Variants in NPAS3 observed in about 807,000 individuals in gnomAD.
The protein encoded by NPAS3 is neuronal PAS domain-containing protein 3.
In NPAS3, 14 loss-of-function variants were observed where a neutral mutation model predicts 73.1. The observed-to-expected ratio is 0.19, with a 90% CI of 0.13 to 0.30. The LOEUF is 0.30. NPAS3 is among the 10% of genes least tolerant of loss of function. NPAS3 has a pLI of 1.00. For missense variants in NPAS3, 1,096 were observed against 1,250.0 expected (o/e 0.88, Z 1.86); for synonymous variants, 620 against 541.5 (o/e 1.14, Z -2.01).
intron 2 of NPAS3, among the ~76,000 whole-genome samples, chr14:33,163,504 G>C (rs1188303566): frequency 2.6e-5 from 4 of 152,064 alleles, no homozygotes; most frequent in Non-Finnish European, 5.9e-5. Context: ...TGCTGGACAA[G>C]TTAAATCTTG....
chr14:33,515,329 C>G (rs1043242228), intron 4 of NPAS3, among the ~76,000 whole-genome samples: 1 of 152,004 alleles, frequency 6.6e-6, no homozygotes, highest in South Asian at 2.1e-4. Context: ...TTTGAATGGG[C>G]ATATTTACAT....
At chr14:33,560,089 A>C (rs1195403253) in intron 4 of NPAS3, 32 bp from the exon 5 acceptor site, 1 of 783,818 alleles carries the variant, frequency 1.3e-6, no homozygotes, top group Admixed American at 1.9e-5. Flanking sequence ...GTATTTATTA[A>C]TCTATTTATA....
chr14:32,948,967 CTTCGCTATGGTCAGCGTAT>C (rs2036375856), intron 1 of NPAS3, among the ~76,000 whole-genome samples: 1 of 152,044 alleles, frequency 6.6e-6, no homozygotes, highest in Non-Finnish European at 1.5e-5. Flanking sequence ...CGTTTTAATT[CTTCGCTATGGTCAGCGTAT>C]TTTACTTTTT....
At chr14:33,066,180 T>C (rs1436990400) in intron 2 of NPAS3, among the ~76,000 whole-genome samples, 2 of 152,140 alleles carry the variant, frequency 1.3e-5, no homozygotes, top group African/African-American at 2.4e-5. Context: ...TCTCATCCCC[T>C]GGAGAAATTC....
intron 4 of NPAS3, among the ~76,000 whole-genome samples, chr14:33,463,205 A>T (rs1225096984): frequency 6.6e-6 from 1 of 152,164 alleles, no homozygotes; most frequent in East Asian, 1.9e-4. Flanking sequence ...CCCATTTCCA[A>T]AAATAAGAGC....
intron 5 of NPAS3, among the ~76,000 whole-genome samples, chr14:33,650,679 C>T (rs1287311071): frequency 6.6e-6 from 1 of 152,218 alleles, no homozygotes; most frequent in Non-Finnish European, 1.5e-5. Context: ...CCTCACACAG[C>T]TCCTGCTGCC....
intron 4 of NPAS3, among the ~76,000 whole-genome samples, chr14:33,503,736 A>G (rs1391819155): frequency 6.6e-6 from 1 of 152,006 alleles, no homozygotes; most frequent in Admixed American, 6.6e-5. Flanking sequence ...AGCCCCTGCC[A>G]GAACAGATGA....
At chr14:33,132,107 G>C (rs1445830378) in intron 2 of NPAS3, among the ~76,000 whole-genome samples, 3 of 152,126 alleles carry the variant, frequency 2.0e-5, no homozygotes, top group Admixed American at 6.6e-5. Flanking sequence ...TTGGAAGCTG[G>C]TGGGAAAGGG....
intron 6 of NPAS3, among the ~76,000 whole-genome samples, chr14:33,703,087 G>A (rs952427719): frequency 2.0e-5 from 3 of 152,160 alleles, no homozygotes; most frequent in South Asian, 4.1e-4. Context: ...AGTTGGAGGT[G>A]GGGTGGGGGA....
At chr14:33,006,349 C>A (rs2039002567) in intron 1 of NPAS3, among the ~76,000 whole-genome samples, 1 of 152,050 alleles carries the variant, frequency 6.6e-6, no homozygotes, top group African/African-American at 2.4e-5. Context: ...AGCTGGCTGT[C>A]CTGGGCAAAC....
At chr14:33,792,404 A>G (rs1421301236) in intron 9 of NPAS3, among the ~76,000 whole-genome samples, 1 of 151,926 alleles carries the variant, frequency 6.6e-6, no homozygotes, top group Non-Finnish European at 1.5e-5. Flanking sequence ...GTGCTGTGAG[A>G]AAAAAAAGGA....
chr14:33,754,099 G>T (rs117094890), intron 7 of NPAS3, among the ~76,000 whole-genome samples: 1 of 152,152 alleles, frequency 6.6e-6, no homozygotes, highest in Non-Finnish European at 1.5e-5. Flanking sequence ...GAGGTGCCCC[G>T]CGACCCCACT....
intron 2 of NPAS3, among the ~76,000 whole-genome samples, chr14:33,095,513 T>A (rs2042376799): frequency 6.6e-6 from 1 of 152,040 alleles, no homozygotes; most frequent in South Asian, 2.1e-4. Flanking sequence ...AAGAACTTCA[T>A]TATGGCAATA....
rs891857825 is a variant in NPAS3 at position 33,576,761 on chromosome 14, G to A, written c.558+16551G>A. 7.9e-5 allele frequency among the ~76,000 whole-genome samples: 12 copies of A among 152,172 alleles called. 1 individual carries two copies. Among genetic ancestry groups the A allele is most frequent in the African/African-American group, 2.2e-4 (9 of 41,434 alleles). On this transcript the variant is annotated intron_variant, in intron 5 of 11. Coordinates refer to ENST00000356141, the Ensembl canonical transcript of NPAS3. ...ATACGAATCGAGAATAAAACACAAT[G>A]TTTAGCGTCTCCTGCTGTTTGCGAG...
chr14:33,634,411 G>C (rs145942342), intron 5 of NPAS3, among the ~76,000 whole-genome samples: 9 of 152,328 alleles, frequency 5.9e-5, no homozygotes, highest in African/African-American at 2.2e-4. Context: ...TGCTCCAAGT[G>C]ACATTTAAGG....
chr14:33,796,078 T>C (rs1263836136), intron 10 of NPAS3, among the ~76,000 whole-genome samples: 1 of 152,176 alleles, frequency 6.6e-6, no homozygotes, highest in African/African-American at 2.4e-5. Context: ...ATCACCTCTA[T>C]AGGGTAAAGA....
intron 3 of NPAS3, among the ~76,000 whole-genome samples, chr14:33,234,624 G>A (rs1335982723): frequency 6.6e-6 from 1 of 152,048 alleles, no homozygotes; most frequent in Non-Finnish European, 1.5e-5. Flanking sequence ...TGGCTGTGTG[G>A]TGGCTAGACC....
At chr14:33,127,658 C>A (rs2043479704) in intron 2 of NPAS3, among the ~76,000 whole-genome samples, 2 of 152,202 alleles carry the variant, frequency 1.3e-5, no homozygotes, top group South Asian at 4.1e-4. Context: ...AGGTACTGAG[C>A]ACAAAAGCAA....
chr14:33,794,176 T>C, intron 10 of NPAS3, 132 bp downstream of exon 10: 1 of 730,990 alleles, frequency 1.4e-6, no homozygotes, highest in South Asian at 1.9e-5. Context: ...TTCATGGCAA[T>C]TCTGCTGTTC....
Sources: allele counts gnomAD v4.1 joint callset (sites outside exome capture counted in the v4.1 genomes callset), GRCh38; gene constraint gnomAD v4.1.1; transcripts MANE v1.5; gene names NCBI Gene and HGNC (gene_info 2026-07-23, HGNC 2026-07-21).